The following DNM3 variants were observed in gnomAD, a reference collection of about 807,000 sequenced individuals.
DNM3 encodes dynamin-3.
A neutral mutation model predicts 101.6 loss-of-function variants in DNM3; 47 were observed. That is an observed-to-expected ratio of 0.46 (90% CI 0.37 to 0.59). DNM3 has a LOEUF of 0.59. Ranked by LOEUF, DNM3 falls within the 20% of genes least tolerant of loss-of-function variation. The pLI, the probability that DNM3 is intolerant of heterozygous loss-of-function variation, is 0.00. For synonymous variants in DNM3, 385 were observed against 387.9 expected, an observed-to-expected ratio of 0.99 and a Z score of 0.09; for missense variants, 849 against 1,085.7, an observed-to-expected ratio of 0.78 and a Z score of 3.06.
downstream of DNM3, among the ~76,000 whole-genome samples, chr1:172,416,404 A>G (rs2071426606): frequency 6.6e-6 from 1 of 152,200 alleles, no homozygotes; most frequent in Admixed American, 6.5e-5. Context: ...ATCAACAACA[A>G]TGCTTTTTCA....
chr1:171,964,900 T>C (rs1457716610), intron 2 of DNM3, among the ~76,000 whole-genome samples: 3 of 151,976 alleles, frequency 2.0e-5, no homozygotes, highest in Admixed American at 1.3e-4. Context: ...TGGAAAACTG[T>C]GTCTCTGCTT....
At chr1:172,306,518 GA>G (rs1206006792) in intron 15 of DNM3, among the ~76,000 whole-genome samples, 2 of 151,846 alleles carry the variant, frequency 1.3e-5, no homozygotes, top group Admixed American at 1.3e-4. Context: ...CACAGAATTG[GA>G]AAAAAACCAC....
chr1:172,381,509 A>G (rs2068902763), intron 18 of DNM3, among the ~76,000 whole-genome samples: 1 of 150,356 alleles, frequency 6.7e-6, no homozygotes, highest in Non-Finnish European at 1.5e-5. Flanking sequence ...CATATATTTT[A>G]AAATTATATA....
chr1:171,996,901 G>A (rs1031354664), intron 4 of DNM3, among the ~76,000 whole-genome samples: 2 of 151,970 alleles, frequency 1.3e-5, no homozygotes, highest in East Asian at 1.9e-4. Context: ...ATGTGGTGGC[G>A]CATGCCTGTA....
intron 13 of DNM3, among the ~76,000 whole-genome samples, chr1:172,102,224 A>T (rs747497416): frequency 2.0e-5 from 3 of 152,202 alleles, no homozygotes; most frequent in Admixed American, 6.5e-5. Context: ...TATAGAAATT[A>T]ATCTGATGAA....
chr1:172,071,089 A>G (rs889043926), intron 11 of DNM3, among the ~76,000 whole-genome samples: 17 of 37,912 alleles, frequency 4.5e-4, no homozygotes, highest in South Asian at 2.4e-3. Flanking sequence ...GACCCTGCAT[A>G]TATATATATA....
intron 15 of DNM3, among the ~76,000 whole-genome samples, chr1:172,306,527 C>T (rs892799492): frequency 3.9e-5 from 6 of 152,070 alleles, no homozygotes; most frequent in South Asian, 2.1e-4. Context: ...GGAAAAAAAC[C>T]ACTTTAAAGT....
chr1:172,289,035 T>C (rs541038280), intron 15 of DNM3, among the ~76,000 whole-genome samples: 2 of 152,068 alleles, frequency 1.3e-5, no homozygotes, highest in Non-Finnish European at 2.9e-5. Flanking sequence ...GTGAGATTGG[T>C]TTAAAGCGAT....
At chr1:171,910,298 T>C (rs952745269) in intron 1 of DNM3, among the ~76,000 whole-genome samples, 1 of 152,234 alleles carries the variant, frequency 6.6e-6, no homozygotes, top group Non-Finnish European at 1.5e-5. Flanking sequence ...AATGGAAAAT[T>C]CCAGAAATAC....
At chr1:172,054,146 CAT>C (rs1262565399) in intron 10 of DNM3, among the ~76,000 whole-genome samples, 6 of 152,238 alleles carry the variant, frequency 3.9e-5, no homozygotes, top group Admixed American at 2.0e-4. Flanking sequence ...TACAACTCCT[CAT>C]GTGATGCCTC....
chr1:172,138,919 CAGGTTTCCTTTGCT>C (rs2057410340), intron 14 of DNM3: 1 of 473,024 alleles, frequency 2.1e-6, no homozygotes, highest in Admixed American at 2.3e-5. Flanking sequence ...TTGGTTCCTT[CAGGTTTCCTTTGCT>C]CATAGACAGA....
At chr1:171,928,955 C>T (rs879615732) in intron 2 of DNM3, among the ~76,000 whole-genome samples, 1 of 152,214 alleles carries the variant, frequency 6.6e-6, no homozygotes, top group Admixed American at 6.5e-5. Context: ...GCGGCCTGCC[C>T]CTCCCTCTGG....
intron 4 of DNM3, among the ~76,000 whole-genome samples, chr1:172,026,204 A>G (rs1006365515): frequency 2.0e-5 from 3 of 152,122 alleles, no homozygotes; most frequent in African/African-American, 7.2e-5. Context: ...AAGAAAGGAT[A>G]TCAGAGATTG....
At chr1:171,942,624 A>G (rs1197486396) in intron 2 of DNM3, among the ~76,000 whole-genome samples, 1 of 152,212 alleles carries the variant, frequency 6.6e-6, no homozygotes, top group Admixed American at 6.5e-5. Context: ...AAGACACGCA[A>G]TAAACAAAAC....
chr1:172,268,214 GAT>G lies in DNM3; in HGVS notation c.1769+14534_1769+14535del, dbSNP rs141816107. Among the ~76,000 whole-genome samples, 837 of 150,552 alleles carry G rather than the reference GAT, an allele frequency of 5.6e-3. 8 individuals are homozygous for G. The highest frequency in any genetic ancestry group is 0.019 in the African/African-American group (792 of 40,908). On this transcript the variant is annotated intron_variant, in intron 15 of 20. Transcript: ENST00000627582. ...TTATTTGTCATTATAAATCTGGAAA[GAT>G]AAACCCTGTGCTTTCCCTGTTAAGG...
chr1:171,963,834 A>G (rs903237377), intron 2 of DNM3, among the ~76,000 whole-genome samples: 1 of 151,754 alleles, frequency 6.6e-6, no homozygotes, highest in African/African-American at 2.4e-5. Flanking sequence ...GCTGTTTACC[A>G]TGTAAACCAA....
At chr1:171,889,735 G>A (rs916899506) in intron 1 of DNM3, among the ~76,000 whole-genome samples, 2 of 152,128 alleles carry the variant, frequency 1.3e-5, no homozygotes, top group Admixed American at 6.5e-5. Flanking sequence ...TCTAGAAGTC[G>A]GAAGAGAGAA....
chr1:171,901,515 G>T (rs2038357644), intron 1 of DNM3, among the ~76,000 whole-genome samples: 1 of 152,124 alleles, frequency 6.6e-6, no homozygotes, highest in Admixed American at 6.5e-5. Context: ...CGTGGGTGAG[G>T]GCAGGCACAC....
intron 2 of DNM3, among the ~76,000 whole-genome samples, chr1:171,932,192 A>C (rs1571686633): frequency 6.7e-6 from 1 of 149,630 alleles, no homozygotes; most frequent in Non-Finnish European, 1.5e-5. Context: ...CCCAGGCTGG[A>C]GTGCGGTGGC....
Sources: allele counts gnomAD v4.1 joint callset (sites outside exome capture counted in the v4.1 genomes callset), GRCh38; gene constraint gnomAD v4.1.1; transcripts MANE v1.5; gene names NCBI Gene and HGNC (gene_info 2026-07-23, HGNC 2026-07-21).